KCNK12: variants seen among roughly 807,000 people sequenced by gnomAD.
KCNK12 encodes potassium two pore domain channel subfamily K member 12, also known as potassium channel subfamily K member 12.
KCNK12 carries 6 observed loss-of-function variants against 25.3 expected under a neutral mutation model. The ratio of observed to expected loss-of-function variants is 0.24; its 90% CI spans 0.13 to 0.47. The LOEUF is 0.47. Ranked by LOEUF, KCNK12 falls within the 20% of genes least tolerant of loss-of-function variation. The pLI, the probability that KCNK12 is intolerant of heterozygous loss-of-function variation, is 0.99. For missense variants in KCNK12, 444 were observed against 661.7 expected (o/e 0.67, Z 3.61); for synonymous variants, 331 against 311.1 (o/e 1.06, Z -0.67).
Position 47,515,212 on chromosome 2 carries a change from TG to T in KCNK12, c.*5694del, listed in dbSNP as rs2104684086. Among the ~76,000 whole-genome samples the T allele has an allele frequency of 6.6e-6, 1 of 152,332 alleles. No homozygotes were observed. The highest frequency in any genetic ancestry group is 6.5e-5 in the Admixed American group (1 of 15,300). ...CCACGGCAGCCTAGCTAATGGGTCT[TG>T]GCTGGAAGCTAACAGGAAGGCCTCT... On this transcript the variant is annotated 3_prime_UTR_variant, in exon 2 of 2. Transcript: ENST00000327876.
chr2:47,546,401 A>G (rs6708696), intron 1 of KCNK12, among the ~76,000 whole-genome samples: 112,261 of 152,218 alleles, frequency 0.74, 42,619 homozygotes, highest in African/African-American at 0.91. Flanking sequence ...TCCATCATAC[A>G]GGTGCTGTGA....
chr2:47,561,102 A>G (rs1004088781), intron 1 of KCNK12, among the ~76,000 whole-genome samples: 4 of 152,178 alleles, frequency 2.6e-5, no homozygotes, highest in African/African-American at 9.6e-5. Context: ...ACCTGGCCTC[A>G]GCCAGCATCT....
Position 47,525,280 on chromosome 2 carries a change from G to A in KCNK12, c.392-3472C>T, listed in dbSNP as rs1030908338. Reference sequence around the variant, plus strand: ...GTTGTTATGGGTAGTTGTTGTGGCAGTGGAGAGTGCTGTGGATTCTTTCAC... The same window carrying A: ...GTTGTTATGGGTAGTTGTTGTGGCAATGGAGAGTGCTGTGGATTCTTTCAC... On this transcript the variant is annotated intron_variant, in intron 1 of 1. Transcript: ENST00000327876. The surrounding 1 kb of genome is among the most constrained non-coding windows in gnomAD (Gnocchi z 4.1). 3.9e-5 allele frequency among the ~76,000 whole-genome samples: 6 copies of A among 152,232 alleles called. No homozygotes were observed. The highest frequency in any genetic ancestry group is 7.3e-5 in the Non-Finnish European group (5 of 68,038).
chr2:47,539,341 C>A (rs546921325), intron 1 of KCNK12, among the ~76,000 whole-genome samples: 4 of 152,304 alleles, frequency 2.6e-5, no homozygotes, highest in African/African-American at 9.6e-5. Context: ...TATATGCTCT[C>A]AATCAAGGAC....
At position 47,529,538 on chromosome 2, in the gene KCNK12, T is replaced by C. The variant is rs202078134; in HGVS notation, c.392-7730A>G. Among the ~76,000 whole-genome samples, 360 of 152,346 alleles carry C rather than the reference T, an allele frequency of 2.4e-3. No individual in the cohort carries two copies. Among genetic ancestry groups the C allele is most frequent in the African/African-American group, 8.3e-3 (345 of 41,568 alleles). ...GCAGCTCTCTCCTTACCAATCATTCTCCCAGCCTGTACTATATTGAGTAGC... is the reference window on the plus strand; with the variant it reads ...GCAGCTCTCTCCTTACCAATCATTCCCCCAGCCTGTACTATATTGAGTAGC... On this transcript the variant is annotated intron_variant, in intron 1 of 1. Coordinates refer to ENST00000327876, the MANE Select transcript of KCNK12 (RefSeq NM_022055.2). The surrounding 1 kb of genome is among the most constrained non-coding windows in gnomAD (Gnocchi z 4.3).
rs1230088094 is a variant in KCNK12, at chr2:47,548,505, T to TA, written c.391+21435dup. On this transcript the variant is annotated intron_variant, in intron 1 of 1. Coordinates refer to ENST00000327876, the MANE Select transcript of KCNK12 (RefSeq NM_022055.2). The surrounding 1 kb of genome is among the most constrained non-coding windows in gnomAD (Gnocchi z 4.4). ...TTGCAGTTGCTAAGGGCAAAAGTCT[T>TA]AGAGCCCTTTTTTATTCTTTTGCTT... Among the ~76,000 whole-genome samples the TA allele has an allele frequency of 6.6e-6, 1 of 152,178 alleles. No individual in the cohort carries two copies. The highest frequency in any genetic ancestry group is 1.9e-4 in the East Asian group (1 of 5,192).
chr2:47,532,631 T>A (rs1668959084), intron 1 of KCNK12, among the ~76,000 whole-genome samples: 1 of 152,216 alleles, frequency 6.6e-6, no homozygotes, highest in South Asian at 2.1e-4. Context: ...CAACTCACAG[T>A]CAAGGCGTTC....
rs998384462 is a variant in KCNK12, at chr2:47,570,845, T to G, written c.-514A>C. The G allele has an allele frequency of 6.6e-6, 1 of 152,202 alleles. No individual in the cohort carries two copies. The highest frequency in any genetic ancestry group is 1.5e-5 in the Non-Finnish European group (1 of 68,098). The allele number at this position is 152,202 out of a possible 1,614,324, so 9.4% of individuals were successfully genotyped here. A position where few individuals can be genotyped will look rare whatever the true frequency, so the allele number is the denominator to read the frequency against. On this transcript the variant is annotated 5_prime_UTR_variant, in exon 1 of 2. Transcript: ENST00000327876. Reference sequence around the variant, plus strand: ...GGATCGGCGCCTCCTAGGTGCGGGCTGTGCGGGCAGTCCTGCTCCCGCCCC... The same window carrying G: ...GGATCGGCGCCTCCTAGGTGCGGGCGGTGCGGGCAGTCCTGCTCCCGCCCC...
chr2:47,510,767 G>C lies in KCNK12; in HGVS notation c.*10140C>G, dbSNP rs1668381063. 6.6e-6 allele frequency: 1 copy of C among 152,186 alleles called. No homozygotes were observed. The highest frequency in any genetic ancestry group is 1.9e-4 in the East Asian group (1 of 5,198). 9.4% of individuals were successfully genotyped at this position (152,186 alleles called of 1,614,324 possible). On this transcript the variant is annotated 3_prime_UTR_variant, in exon 2 of 2. Transcript: ENST00000327876. The stretch of plus-strand genomic sequence containing the variant: ...AGGAGAAACAGGTCTATTAACCCTG[G>C]TATTAATATTAACTGGCTGCCCAGA...
rs1333838816 is a variant in KCNK12 at position 47,515,928 on chromosome 2, C to A, written c.*4979G>T. On this transcript the variant is annotated 3_prime_UTR_variant, in exon 2 of 2. Coordinates refer to ENST00000327876, the MANE Select transcript of KCNK12 (RefSeq NM_022055.2). ...ATAGGGCAGCCTGGTCCCATATCCTCATGAAATGCCTCTTATAATTGTGAC... is the reference window on the plus strand; with the variant it reads ...ATAGGGCAGCCTGGTCCCATATCCTAATGAAATGCCTCTTATAATTGTGAC... Among the ~76,000 whole-genome samples, 1 of 152,222 alleles carries A rather than the reference C, an allele frequency of 6.6e-6. No individual in the cohort carries two copies. The highest frequency in any genetic ancestry group is 1.5e-5 in the Non-Finnish European group (1 of 68,048).
intron 1 of KCNK12, among the ~76,000 whole-genome samples, chr2:47,536,162 C>A (rs143928403): frequency 1.6e-4 from 24 of 152,298 alleles, no homozygotes; most frequent in African/African-American, 5.8e-4. Flanking sequence ...AGCTCAGCTG[C>A]CCTGAGCTCC....
chr2:47,570,490 C>G lies in KCNK12; in HGVS notation c.-159G>C, dbSNP rs1669870498. The G allele has an allele frequency of 1.4e-6, 1 of 731,732 alleles. No homozygotes were observed. The allele number at this position is 731,732 out of a possible 1,614,324, so 45.3% of individuals were successfully genotyped here. A position where few individuals can be genotyped will look rare whatever the true frequency, so the allele number is the denominator to read the frequency against. On this transcript the variant is annotated 5_prime_UTR_variant, in exon 1 of 2. Transcript: ENST00000327876. Reference sequence around the variant, plus strand: ...AGCCCCTCGTCGCCTTCCCAGAGCCCGGACAGAGGGGCGCCTCCGCCTCCT... The same window carrying G: ...AGCCCCTCGTCGCCTTCCCAGAGCCGGGACAGAGGGGCGCCTCCGCCTCCT...
intron 1 of KCNK12, among the ~76,000 whole-genome samples, chr2:47,561,191 C>G (rs891968288): frequency 8.5e-5 from 13 of 152,194 alleles, no homozygotes; most frequent in African/African-American, 2.9e-4. Context: ...CACCTGGAAA[C>G]AAGGAGGGTG....
chr2:47,547,190 G>A lies in KCNK12; in HGVS notation c.391+22751C>T, dbSNP rs1337630058. Among the ~76,000 whole-genome samples the A allele has an allele frequency of 6.6e-6, 1 of 152,144 alleles. No individual in the cohort carries two copies. Among genetic ancestry groups the A allele is most frequent in the Admixed American group, 6.5e-5 (1 of 15,274 alleles). On this transcript the variant is annotated intron_variant, in intron 1 of 1. Transcript: ENST00000327876. The surrounding 1 kb of genome is among the most constrained non-coding windows in gnomAD (Gnocchi z 5.0). Reference sequence around the variant, plus strand: ...TAGCTTAGCCTCCTTCATCTTCAAGGGCACTGCGGCTCAATCTTCAGATCT... The same window carrying A: ...TAGCTTAGCCTCCTTCATCTTCAAGAGCACTGCGGCTCAATCTTCAGATCT...
intron 1 of KCNK12, among the ~76,000 whole-genome samples, chr2:47,534,397 G>T (rs1669005283): frequency 6.6e-6 from 1 of 151,550 alleles, no homozygotes; most frequent in South Asian, 2.1e-4. Context: ...TGAGCTGGCG[G>T]GAAGATGACT....
rs776918420 is a variant in KCNK12, at chr2:47,521,622, G to T, written c.578C>A (p.Thr193Asn). 9.8e-5 allele frequency: 155 copies of T among 1,579,290 alleles called. No individual in the cohort carries two copies. In the South Asian group the frequency reaches 1.5e-3, roughly 15 times the overall value. Residue 193 changes from threonine (T) to asparagine (N), a missense_variant, in exon 2 of 2, where the codon ACC becomes AAC. Physicochemically the swap from Thr to Asn is moderately conservative, Grantham distance 65 (BLOSUM62 0). Coordinates refer to ENST00000327876, the MANE Select transcript of KCNK12 (RefSeq NM_022055.2). ...QLRRSGLLPATFRRGSALSEA... is the reference protein window; with the variant it reads ...QLRRSGLLPANFRRGSALSEA... ...CGAGAGCGCGGAGCCGCGGCGGAAG[G>T]TGGCGGGCAGCAGGCCGCTGCGGCG...
chr2:47,530,703 C>A (rs1668901728), intron 1 of KCNK12, among the ~76,000 whole-genome samples: 1 of 152,146 alleles, frequency 6.6e-6, no homozygotes, highest in Non-Finnish European at 1.5e-5. Context: ...ATCTTACAGT[C>A]AATGGCCTGA....
In KCNK12 at chr2:47,566,979, C is replaced by T. The variant is rs2104903390; in HGVS notation, c.391+2962G>A. Reference sequence around the variant, plus strand: ...GCTCATAAATGCTGTGATCCAGCTGCCCATGTTGGAATATGCCTTAATCTC... The same window carrying T: ...GCTCATAAATGCTGTGATCCAGCTGTCCATGTTGGAATATGCCTTAATCTC... On this transcript the variant is annotated intron_variant, in intron 1 of 1. Coordinates refer to ENST00000327876, the MANE Select transcript of KCNK12 (RefSeq NM_022055.2). The surrounding 1 kb of genome is among the most constrained non-coding windows in gnomAD (Gnocchi z 4.1). 1 of 152,324 alleles carries T rather than the reference C, an allele frequency of 6.6e-6. No individual in the cohort carries two copies. Among genetic ancestry groups the T allele is most frequent in the East Asian group, 1.9e-4 (1 of 5,188 alleles). The allele number at this position is 152,324 out of a possible 1,614,324, so 9.4% of individuals were successfully genotyped here. A position where few individuals can be genotyped will look rare whatever the true frequency, so the allele number is the denominator to read the frequency against.
chr2:47,541,022 G>A (rs1036331756), intron 1 of KCNK12, among the ~76,000 whole-genome samples: 1 of 152,186 alleles, frequency 6.6e-6, no homozygotes, highest in Non-Finnish European at 1.5e-5. Context: ...GGTTTCCTGA[G>A]GACACTTGTG....
Sources: allele counts gnomAD v4.1 joint callset (sites outside exome capture counted in the v4.1 genomes callset), GRCh38; gene constraint gnomAD v4.1.1; non-coding constraint Gnocchi (gnomAD v3.1); transcripts MANE v1.5; gene names NCBI Gene and HGNC (gene_info 2026-07-23, HGNC 2026-07-21).